The following HTD2 variants were observed in gnomAD, a reference collection of about 807,000 sequenced individuals.
The protein encoded by HTD2 is hydroxyacyl-thioester dehydratase type 2, mitochondrial.
A neutral mutation model predicts 3.1 loss-of-function variants in HTD2; 1 was observed. That is an observed-to-expected ratio of 0.32 (90% CI 0.11 to 1.52). The LOEUF is 1.52. Ranked by LOEUF, HTD2 falls within the 40% of genes most tolerant of loss-of-function variation. The probability of loss-of-function intolerance (pLI) is 0.39; values close to 1 mark genes in which losing one functional copy is unlikely to be tolerated. For synonymous variants in HTD2, 50 were observed against 28.9 expected, an observed-to-expected ratio of 1.73 and a Z score of -2.34; for missense variants, 150 against 79.6, an observed-to-expected ratio of 1.88 and a Z score of -3.36.
intron 1 of HTD2, among the ~76,000 whole-genome samples, chr3:58,308,970 T>G (rs1395929545): frequency 6.6e-6 from 1 of 152,240 alleles, no homozygotes; most frequent in Non-Finnish European, 1.5e-5. Context: ...GAGCATGTTC[T>G]ACGTTCTTGA....
intron 1 of HTD2, chr3:58,307,718 G>A (rs1432717067): frequency 1.3e-5 from 2 of 152,220 alleles, no homozygotes; most frequent in Non-Finnish European, 2.9e-5. Flanking sequence ...TGACTTTAAA[G>A]ATGACGATGA....
Position 58,319,141 on chromosome 3 carries a change from G to C in HTD2, c.*1021G>C, listed in dbSNP as rs568616941. The C allele has an allele frequency of 2.6e-5, 4 of 152,274 alleles. No individual in the cohort carries two copies. In the South Asian group the frequency reaches 8.3e-4, roughly 32 times the overall value. The allele number at this position is 152,274 out of a possible 1,614,324, so 9.4% of individuals were successfully genotyped here. A position where few individuals can be genotyped will look rare whatever the true frequency, so the allele number is the denominator to read the frequency against. On this transcript the variant is annotated 3_prime_UTR_variant, in exon 5 of 5. Transcript: ENST00000461393. ...TATTGAAGGCGAAAATAGAAGTTGG[G>C]TCATCTTTGAACACCTACCTTTTAT...
chr3:58,306,987 C>A (rs73835145), intron 1 of HTD2, among the ~76,000 whole-genome samples: 9,452 of 152,206 alleles, frequency 0.062, 1,013 homozygotes, highest in African/African-American at 0.22. Context: ...ACTGGGCCAA[C>A]CCGATTGAGA....
chr3:58,310,037 A>C, intron 1 of HTD2: 1 of 346,044 alleles, frequency 2.9e-6, no homozygotes, highest in Non-Finnish European at 5.3e-6. Context: ...CTGTCTCTAC[A>C]AAAAATACAA....
intron 3 of HTD2, 87 bp from the exon 4 acceptor site, chr3:58,316,828 C>A: frequency 1.7e-6 from 2 of 1,195,012 alleles, no homozygotes; most frequent in East Asian, 4.7e-5. Flanking sequence ...GTTGCAAAGT[C>A]AGAAGTGAAT....
intron 3 of HTD2, 29 bp downstream of exon 3, chr3:58,316,620 A>G: frequency 6.3e-7 from 1 of 1,581,662 alleles, no homozygotes; most frequent in Non-Finnish European, 8.7e-7. Flanking sequence ...AATTTCTAGT[A>G]TAACAGGGCA....
At chr3:58,316,338 A>G (rs1388856559) in intron 2 of HTD2, among the ~76,000 whole-genome samples, 177 bp from the exon 3 acceptor site, 1 of 152,254 alleles carries the variant, frequency 6.6e-6, no homozygotes, top group Non-Finnish European at 1.5e-5. Flanking sequence ...GAAGAGGTGT[A>G]GGCAGAACAT....
In HTD2 at chr3:58,310,293, T is replaced by G. The variant is rs1259814914; in HGVS notation, c.-415-214T>G. 2.5e-6 allele frequency: 4 copies of G among 1,588,910 alleles called. No homozygotes were observed. The South Asian group carries it at 4.4e-5, about 18-fold the overall frequency. ...CATGTGCATTGGTCATTTCTAGCCC[T>G]CTTGACTTACTGTAGGTGTGATCAG... On this transcript the variant is annotated intron_variant, in intron 1 of 4. Coordinates refer to ENST00000461393, the MANE Select transcript of HTD2 (RefSeq NM_001348712.2).
intron 1 of HTD2, among the ~76,000 whole-genome samples, chr3:58,308,621 A>C (rs1455807676): frequency 6.6e-6 from 1 of 152,088 alleles, no homozygotes; most frequent in Non-Finnish European, 1.5e-5. Flanking sequence ...CTTGACCCTG[A>C]CTTCTTTTCT....
intron 1 of HTD2, among the ~76,000 whole-genome samples, chr3:58,307,376 C>A (rs1225819545): frequency 6.6e-6 from 1 of 152,154 alleles, no homozygotes; most frequent in Non-Finnish European, 1.5e-5. Context: ...TAGGGAGAAT[C>A]AGATTTATTA....
chr3:58,315,267 G>A (rs1047217524), intron 2 of HTD2, among the ~76,000 whole-genome samples: 2 of 151,966 alleles, frequency 1.3e-5, no homozygotes, highest in Admixed American at 6.6e-5. Context: ...ATTATGCTGA[G>A]CGAAAAAAAG....
intron 2 of HTD2, among the ~76,000 whole-genome samples, chr3:58,314,077 G>T (rs566729285): frequency 7.5e-4 from 114 of 152,254 alleles, no homozygotes; most frequent in African/African-American, 2.7e-3. Context: ...CACATGGGGC[G>T]TGGTGGCTCA....
Position 58,306,578 on chromosome 3 carries a change from GCA to G in HTD2, c.-488_-487del, listed in dbSNP as rs2097475016. On this transcript the variant is annotated 5_prime_UTR_variant, in exon 1 of 5. Transcript: ENST00000461393. ...TACGGCGCCGCGTAGGGTCTCGGCC[GCA>G]GAACGTGGCCGAGAGGCCCGGGCGA... is the stretch of plus-strand genomic sequence containing the variant. 6.6e-6 allele frequency: 1 copy of G among 152,202 alleles called. No homozygotes were observed. The highest frequency in any genetic ancestry group is 2.4e-5 in the African/African-American group (1 of 41,452). 9.4% of individuals were successfully genotyped at this position (152,202 alleles called of 1,614,324 possible).
chr3:58,318,017 G>A lies in HTD2; in HGVS notation c.404G>A (p.Arg135Gln), dbSNP rs760272949. 3.4e-5 allele frequency: 24 copies of A among 702,680 alleles called. No homozygotes were observed. The Middle Eastern group carries it at 1.4e-3, about 40-fold the overall frequency. 43.5% of individuals were successfully genotyped at this position (702,680 alleles called of 1,614,324 possible). ...TCTGCAGAAGTGAAAAAGCTGAAGC[G>A]GTTCATTGCTATTATTGCAGTGTCA... Reference protein sequence around the residue: ...LASAEVKKLKRFIAIIAVSCS... With the variant: ...LASAEVKKLKQFIAIIAVSCS... The change falls in exon 5 of 5, where the codon CGG (arginine) becomes CAG (glutamine). Residue 135 changes from arginine to glutamine, a missense_variant. Transcript: ENST00000461393.
chr3:58,311,752 T>TG (rs758584845), intron 2 of HTD2, among the ~76,000 whole-genome samples: 47 of 152,046 alleles, frequency 3.1e-4, no homozygotes, highest in Non-Finnish European at 6.8e-4. Context: ...AGTGCTGGGA[T>TG]GACAGCATGA....
Position 58,310,688 on chromosome 3 carries a change from T to G in HTD2, c.-331+97T>G, listed in dbSNP as rs529713164. ...TAGCTCACGCCTGTAATCCCAGCAC[T>G]TTGGAGGCCGAGGTGGGCAGATCAT... is the stretch of plus-strand genomic sequence containing the variant. On this transcript the variant is annotated intron_variant, in intron 2 of 4. Transcript: ENST00000461393. 5.7e-4 allele frequency: 568 copies of G among 993,404 alleles called. 2 individuals are homozygous for G. The highest frequency in any genetic ancestry group is 8.2e-4 in the Non-Finnish European group (539 of 656,542). The allele number at this position is 993,404 out of a possible 1,614,324, so 61.5% of individuals were successfully genotyped here.
intron 1 of HTD2, among the ~76,000 whole-genome samples, chr3:58,308,400 C>CA (rs2097478050): frequency 6.6e-6 from 1 of 152,144 alleles, no homozygotes; most frequent in Non-Finnish European, 1.5e-5. Context: ...CCTCCCACCT[C>CA]AGCCCCTGGA....
intron 2 of HTD2, among the ~76,000 whole-genome samples, chr3:58,314,698 T>TGG (rs2097486410): frequency 6.9e-6 from 1 of 145,546 alleles, no homozygotes; most frequent in African/African-American, 2.6e-5. Context: ...TTTTTTTTTT[T>TGG]TTGTTGAGAT....
chr3:58,308,710 A>T (rs1367562685), intron 1 of HTD2, among the ~76,000 whole-genome samples: 1 of 152,188 alleles, frequency 6.6e-6, no homozygotes. Flanking sequence ...TAGCTCTGTG[A>T]CCTTGGATAA....
Sources: allele counts gnomAD v4.1 joint callset (sites outside exome capture counted in the v4.1 genomes callset), GRCh38; gene constraint gnomAD v4.1.1; transcripts MANE v1.5; gene names NCBI Gene and HGNC (gene_info 2026-07-23, HGNC 2026-07-21).